SEPTIN9: variants seen among roughly 807,000 people sequenced by gnomAD.
SEPTIN9 encodes the protein septin-9.
In SEPTIN9, 13 loss-of-function variants were observed where a neutral mutation model predicts 56.6. The observed-to-expected ratio is 0.23, with a 90% CI of 0.15 to 0.37. The LOEUF (loss-of-function observed/expected upper bound fraction) is 0.37. Among genes scored for constraint, SEPTIN9 ranks in the 10% least tolerant of loss-of-function variants. The pLI is 1.00. For missense variants in SEPTIN9, 650 were observed against 823.1 expected (o/e 0.79, Z 2.57); for synonymous variants, 332 against 334.1 (o/e 0.99, Z 0.07).
chr17:77,340,065 G>T (rs1243181105), intron 2 of SEPTIN9, among the ~76,000 whole-genome samples: 2 of 152,110 alleles, frequency 1.3e-5, no homozygotes, highest in African/African-American at 2.4e-5. Context: ...CTGAACTCAG[G>T]TGATTTGCCT....
rs2039862857 is a variant in SEPTIN9, at chr17:77,487,848, C to T, written c.1042+296C>T. On this transcript the variant is annotated intron_variant, in intron 5 of 11. Transcript: ENST00000427177. The surrounding 1 kb of genome is among the most constrained non-coding windows in gnomAD (Gnocchi z 4.3). The stretch of plus-strand genomic sequence containing the variant: ...GGGCTGGGGATGTGGGATACCCATG[C>T]CTTCCTGGAGCACTGGTGCGGTGTG... Among the ~76,000 whole-genome samples, 1 of 152,134 alleles carries T rather than the reference C, an allele frequency of 6.6e-6. No individual in the cohort carries two copies. Among genetic ancestry groups the T allele is most frequent in the Admixed American group, 6.5e-5 (1 of 15,284 alleles).
At chr17:77,423,790 G>A (rs1314666036) in intron 3 of SEPTIN9, among the ~76,000 whole-genome samples, 1 of 152,212 alleles carries the variant, frequency 6.6e-6, no homozygotes, top group Non-Finnish European at 1.5e-5. Context: ...GAGAGAGTGA[G>A]TAAGAAAGTG....
intron 2 of SEPTIN9, among the ~76,000 whole-genome samples, chr17:77,357,240 CAAG>C (rs1275044359): frequency 6.6e-6 from 1 of 152,098 alleles, no homozygotes; most frequent in Non-Finnish European, 1.5e-5. Context: ...CCTTAAATCC[CAAG>C]AAGAAGAACA....
intron 3 of SEPTIN9, among the ~76,000 whole-genome samples, chr17:77,409,703 G>A (rs1391395856): frequency 1.3e-5 from 2 of 152,150 alleles, no homozygotes; most frequent in African/African-American, 2.4e-5. Flanking sequence ...AGCTGTGTCT[G>A]TACCCGCCGC....
chr17:77,478,336 G>A (rs922979529), intron 3 of SEPTIN9, among the ~76,000 whole-genome samples: 4 of 152,294 alleles, frequency 2.6e-5, no homozygotes, highest in South Asian at 2.1e-4. Flanking sequence ...CTCAAAAAAC[G>A]AAAACTAGAA....
intron 1 of SEPTIN9, among the ~76,000 whole-genome samples, chr17:77,282,836 C>A (rs1031778939): frequency 6.6e-6 from 1 of 152,230 alleles, no homozygotes; most frequent in Non-Finnish European, 1.5e-5. Flanking sequence ...CCCCAACATG[C>A]TCCAAATACT....
chr17:77,338,230 A>G (rs2033616247), intron 2 of SEPTIN9, among the ~76,000 whole-genome samples: 1 of 152,080 alleles, frequency 6.6e-6, no homozygotes, highest in South Asian at 2.1e-4. Flanking sequence ...TTTACACTAT[A>G]CTATAGTCTA....
At chr17:77,341,929 A>T (rs2033743071) in intron 2 of SEPTIN9, among the ~76,000 whole-genome samples, 1 of 139,910 alleles carries the variant, frequency 7.1e-6, no homozygotes, top group Non-Finnish European at 1.6e-5. Flanking sequence ...AAAGATACGA[A>T]AAAAATAGCC....
At chr17:77,373,239 G>A (rs1015720612) in intron 2 of SEPTIN9, 12 of 1,128,820 alleles carry the variant, frequency 1.1e-5, no homozygotes, top group Non-Finnish European at 1.2e-5. Flanking sequence ...GCGAGACAGG[G>A]AGGCCGGTGC....
chr17:77,294,861 G>A (rs2031733455), intron 1 of SEPTIN9: 1 of 152,338 alleles, frequency 6.6e-6, no homozygotes, highest in South Asian at 2.1e-4. Context: ...ATATGTTCGT[G>A]TCTTGTGATT....
In SEPTIN9 at chr17:77,445,025, G is replaced by A. The variant is rs1336589416; in HGVS notation, c.722-37119G>A. The A allele has an allele frequency of 2.7e-6, 1 of 374,964 alleles. No individual in the cohort carries two copies. The highest frequency in any genetic ancestry group is 5.6e-6 in the Non-Finnish European group (1 of 180,142). 23.2% of individuals were successfully genotyped at this position (374,964 alleles called of 1,614,324 possible). On this transcript the variant is annotated intron_variant, in intron 3 of 11. Coordinates refer to ENST00000427177, the MANE Select transcript of SEPTIN9 (RefSeq NM_001113491.2). This position sits in a 1 kb window ranked among gnomAD's most constrained non-coding sequence, Gnocchi z 4.7. ...GAGGAACATGTCACCCAAATGTGCT[G>A]AAACAGCCCAGCAGCTGCGCTGCCT...
intron 3 of SEPTIN9, among the ~76,000 whole-genome samples, chr17:77,417,901 C>T (rs1030960431): frequency 6.6e-6 from 1 of 152,210 alleles, no homozygotes; most frequent in African/African-American, 2.4e-5. Context: ...GCTGCACAGG[C>T]GTTGGTCATT....
chr17:77,374,480 G>C (rs947850087), intron 2 of SEPTIN9: 2 of 152,294 alleles, frequency 1.3e-5, no homozygotes, highest in East Asian at 1.9e-4. Flanking sequence ...AGCGCTCTGG[G>C]GCAGGGCTTC....
At chr17:77,353,027 C>T (rs1038816189) in intron 2 of SEPTIN9, among the ~76,000 whole-genome samples, 6 of 152,204 alleles carry the variant, frequency 3.9e-5, no homozygotes, top group Non-Finnish European at 8.8e-5. Context: ...AACCCAATTA[C>T]ATCTTCAAAG....
chr17:77,459,073 A>T (rs112230923), intron 3 of SEPTIN9, among the ~76,000 whole-genome samples: 6 of 152,318 alleles, frequency 3.9e-5, no homozygotes, highest in African/African-American at 1.4e-4. Context: ...TCGGCCCCAC[A>T]CGTGGCACCA....
chr17:77,493,149 C>A, intron 10 of SEPTIN9, 73 bp downstream of exon 10: 2 of 1,231,944 alleles, frequency 1.6e-6, no homozygotes, highest in Non-Finnish European at 2.3e-6. Flanking sequence ...AGCCTGTGGG[C>A]CACGCCTGAG....
chr17:77,369,636 A>G lies in SEPTIN9; in HGVS notation c.77-32423A>G, dbSNP rs2034661929. Among the ~76,000 whole-genome samples the G allele has an allele frequency of 6.6e-6, 1 of 152,200 alleles. No individual in the cohort carries two copies. The highest frequency in any genetic ancestry group is 2.1e-4 in the South Asian group (1 of 4,828). ...CTTTGTGTCAGGCCACGCAGAGATA[A>G]GACCATCTGGGCCCTGCCCTTGGGA... On this transcript the variant is annotated intron_variant, in intron 2 of 11. Transcript: ENST00000427177. The surrounding 1 kb of genome is among the most constrained non-coding windows in gnomAD (Gnocchi z 4.9).
chr17:77,443,939 A>G (rs774400202), intron 3 of SEPTIN9, among the ~76,000 whole-genome samples: 3 of 152,220 alleles, frequency 2.0e-5, no homozygotes, highest in Non-Finnish European at 4.4e-5. Context: ...ACCCACAAAC[A>G]TAGACTGAGG....
chr17:77,487,456 A>G lies in SEPTIN9; in HGVS notation c.946A>G (p.Asn316Asp). The G allele has an allele frequency of 6.2e-7, 1 of 1,608,274 alleles. No homozygotes were observed. The highest frequency in any genetic ancestry group is 8.5e-7 in the Non-Finnish European group (1 of 1,177,844). ...QSGLGKSTLI[N>D]TLFKSKISRK... ...CGGCTTGGGTAAATCCACCTTAATC[A>G]ACACCCTCTTCAAATCCAAAATCAG... Residue 316 changes from asparagine (N) to aspartate (D), a missense_variant, in exon 5 of 12, where the codon AAC (asparagine) becomes GAC (aspartate). By Grantham distance (23) the Asn-to-Asp change is conservative. This residue lies in a region of SEPTIN9 where 333 missense variants were observed against 494.0 expected (regional missense o/e 0.67). Coordinates refer to ENST00000427177, the MANE Select transcript of SEPTIN9 (RefSeq NM_001113491.2). The surrounding 1 kb of genome is among the most constrained non-coding windows in gnomAD (Gnocchi z 4.3).
Sources: allele counts gnomAD v4.1 joint callset (sites outside exome capture counted in the v4.1 genomes callset), GRCh38; gene constraint gnomAD v4.1.1; regional missense constraint gnomAD v4.1.1; non-coding constraint Gnocchi (gnomAD v3.1); transcripts MANE v1.5; gene names NCBI Gene and HGNC (gene_info 2026-07-23, HGNC 2026-07-21).